Variants in PRDM16 observed in about 807,000 individuals in gnomAD.
PRDM16 encodes the protein PR/SET domain 16, also known as histone-lysine N-methyltransferase PRDM16.
A neutral mutation model predicts 110.6 loss-of-function variants in PRDM16; 23 were observed. That is an observed-to-expected ratio of 0.21 (90% CI 0.15 to 0.29). The LOEUF is 0.29. Among genes scored for constraint, PRDM16 ranks in the 10% least tolerant of loss-of-function variants. The pLI is 1.00. For missense variants in PRDM16, 1,615 were observed against 1,794.3 expected, an observed-to-expected ratio of 0.90 and a Z score of 1.81; for synonymous variants, 799 against 781.8, an observed-to-expected ratio of 1.02 and a Z score of -0.37.
At chr1:3,117,272 G>A (rs955779902) in intron 1 of PRDM16, among the ~76,000 whole-genome samples, 4 of 152,192 alleles carry the variant, frequency 2.6e-5, no homozygotes, top group African/African-American at 7.2e-5. Flanking sequence ...AGTGGGGACC[G>A]GGAGTGCTGG....
chr1:3,293,105 C>T (rs962621346), intron 3 of PRDM16, among the ~76,000 whole-genome samples: 4 of 152,228 alleles, frequency 2.6e-5, no homozygotes, highest in Non-Finnish European at 4.4e-5. Flanking sequence ...CCCTATTGAC[C>T]CTATATTCCA....
chr1:3,127,287 C>T (rs964961158), intron 1 of PRDM16, among the ~76,000 whole-genome samples: 5 of 152,218 alleles, frequency 3.3e-5, no homozygotes, highest in Admixed American at 1.3e-4. Context: ...AAATGCATAA[C>T]GGCGGTGCGC....
chr1:3,404,917 C>G, intron 7 of PRDM16, 31 bp downstream of exon 7: 1 of 1,606,104 alleles, frequency 6.2e-7, no homozygotes, highest in South Asian at 1.1e-5. Context: ...GTCTCAGCCC[C>G]GGGGCAGCAG....
intron 4 of PRDM16, among the ~76,000 whole-genome samples, chr1:3,385,538 C>A (rs886204717): frequency 3.3e-5 from 5 of 152,156 alleles, no homozygotes; most frequent in Non-Finnish European, 5.9e-5. Context: ...TTCCTGAACC[C>A]CGAGATGGTG....
At position 3,111,758 on chromosome 1, in the gene PRDM16, G is replaced by A. The variant is rs190419954; in HGVS notation, c.37+42462G>A. 1.8e-3 allele frequency among the ~76,000 whole-genome samples: 280 copies of A among 152,148 alleles called. 3 individuals carry two copies. The highest frequency in any genetic ancestry group is 6.1e-3 in the African/African-American group (254 of 41,512). ...AGAGGCCTAATCTTTTTTTCTTCGC[G>A]GCTGAAAAGGCCCAGCGCCACATCA... On this transcript the variant is annotated intron_variant, in intron 1 of 16. Coordinates refer to ENST00000270722, the MANE Select transcript of PRDM16 (RefSeq NM_022114.4).
intron 1 of PRDM16, among the ~76,000 whole-genome samples, chr1:3,153,973 A>C (rs1643819763): frequency 6.6e-6 from 1 of 152,220 alleles, no homozygotes; most frequent in Non-Finnish European, 1.5e-5. Flanking sequence ...ACGTTAAAGA[A>C]AGCCACAGCT....
At chr1:3,357,637 G>A (rs750281339) in intron 3 of PRDM16, among the ~76,000 whole-genome samples, 14 of 146,914 alleles carry the variant, frequency 9.5e-5, no homozygotes, top group East Asian at 5.8e-4. Context: ...CTGTTCTGAC[G>A]CTTAACCCAC....
At chr1:3,227,532 G>A (rs888557647) in intron 2 of PRDM16, among the ~76,000 whole-genome samples, 3 of 152,260 alleles carry the variant, frequency 2.0e-5, no homozygotes, top group Admixed American at 2.0e-4. Flanking sequence ...TGACAGTCCA[G>A]CGTGGGGCCG....
chr1:3,181,348 G>A lies in PRDM16; in HGVS notation c.38-4777G>A, dbSNP rs113215670. On this transcript the variant is annotated intron_variant, in intron 1 of 16. Transcript: ENST00000270722. The stretch of plus-strand genomic sequence containing the variant: ...ATCTTACACAAGCAGTCTTACACAC[G>A]GTCTTACACACGGTCTTACACACGC... 9.1e-3 allele frequency among the ~76,000 whole-genome samples: 186 copies of A among 20,474 alleles called. 1 individual carries two copies. Among genetic ancestry groups the A allele is most frequent in the Middle Eastern group, 0.14 (2 of 14 alleles). 13.4% of individuals were successfully genotyped at this position (20,474 alleles called of 152,430 possible).
intron 3 of PRDM16, among the ~76,000 whole-genome samples, chr1:3,279,383 G>A (rs969805009): frequency 8.5e-5 from 13 of 152,210 alleles, no homozygotes; most frequent in African/African-American, 2.2e-4. Context: ...GGTGCCTCGG[G>A]GCAGCTGTGC....
intron 3 of PRDM16, among the ~76,000 whole-genome samples, chr1:3,317,126 G>A (rs1420425952): frequency 5.9e-5 from 9 of 152,178 alleles, no homozygotes; most frequent in African/African-American, 1.4e-4. Context: ...ACGTGGTCTC[G>A]AGGTTGTCCA....
intron 3 of PRDM16, among the ~76,000 whole-genome samples, chr1:3,317,147 C>G (rs1362902674): frequency 6.6e-6 from 1 of 152,202 alleles, no homozygotes; most frequent in Non-Finnish European, 1.5e-5. Context: ...CAGACGCGCC[C>G]ATCATCTGCT....
chr1:3,381,418 T>C (rs1385762195), intron 3 of PRDM16, among the ~76,000 whole-genome samples: 3 of 143,854 alleles, frequency 2.1e-5, no homozygotes, highest in Non-Finnish European at 3.0e-5. Context: ...TTTTTTTTTT[T>C]GAGACAGAGT....
chr1:3,422,393 A>C (rs1638465510), intron 12 of PRDM16, among the ~76,000 whole-genome samples: 1 of 152,054 alleles, frequency 6.6e-6, no homozygotes, highest in Non-Finnish European at 1.5e-5. Context: ...ACAGTCAGGC[A>C]GGCAGACAGA....
intron 1 of PRDM16, among the ~76,000 whole-genome samples, chr1:3,099,942 G>A (rs956525418): frequency 5.9e-5 from 9 of 152,140 alleles, no homozygotes; most frequent in South Asian, 2.1e-4. Flanking sequence ...ATCGGGGGTC[G>A]GTGGCAAGCA....
chr1:3,225,581 C>CGT lies in PRDM16; in HGVS notation c.388-18505_388-18504insTG, dbSNP rs1466525276. ...GTGTGTGTGTGTGTGTGTGCGCGCG[C>CGT]GCAGAAGGAAGGAAACGCAAGGAAG... On this transcript the variant is annotated intron_variant, in intron 2 of 16. Coordinates refer to ENST00000270722, the MANE Select transcript of PRDM16 (RefSeq NM_022114.4). 3.4e-5 allele frequency among the ~76,000 whole-genome samples: 5 copies of CGT among 148,026 alleles called. No individual in the cohort carries two copies. The South Asian group carries it at 6.4e-4, about 19-fold the overall frequency.
rs571632264 is a variant in PRDM16 at position 3,366,489 on chromosome 1, C to G, written c.439-18663C>G. On this transcript the variant is annotated intron_variant, in intron 3 of 16. Transcript: ENST00000270722. ...CGACCAGGGCTGTGCAGCGGGCCTC[C>G]CAGCCTCCGTAGCCTGCTCCGGGGG... is the stretch of plus-strand genomic sequence containing the variant. Among the ~76,000 whole-genome samples the G allele has an allele frequency of 3.8e-4, 58 of 152,340 alleles. 1 individual carries two copies. Among genetic ancestry groups the G allele is most frequent in the African/African-American group, 1.1e-3 (46 of 41,578 alleles).
rs1195843878 is a variant in PRDM16 at position 3,234,549 on chromosome 1, T to C, written c.388-9538T>C. ...GCAAGAGGCCCTGAGCCTGTCAGGG[T>C]GGCCAGGGCAGCTTCCCTAAGCCCC... On this transcript the variant is annotated intron_variant, in intron 2 of 16. Coordinates refer to ENST00000270722, the MANE Select transcript of PRDM16 (RefSeq NM_022114.4). Among the ~76,000 whole-genome samples the C allele has an allele frequency of 2.0e-5, 3 of 152,018 alleles. No homozygotes were observed. The East Asian group carries it at 5.8e-4, about 30-fold the overall frequency.
At chr1:3,197,161 C>T (rs961379045) in intron 2 of PRDM16, among the ~76,000 whole-genome samples, 2 of 152,190 alleles carry the variant, frequency 1.3e-5, no homozygotes, top group South Asian at 4.1e-4. Context: ...GGGACATCAC[C>T]ATCTCCTCCC....
Sources: gnomAD v4.1 joint callset for allele counts (sites outside exome capture counted in the v4.1 genomes callset) on GRCh38, gnomAD v4.1.1 for gene constraint, MANE v1.5 for transcripts, NCBI Gene and HGNC (gene_info 2026-07-23, HGNC 2026-07-21) for gene names.